SORCS2: variants seen among roughly 807,000 people sequenced by gnomAD.
The protein encoded by SORCS2 is sortilin related VPS10 domain containing receptor 2.
A neutral mutation model predicts 141.6 loss-of-function variants in SORCS2; 100 were observed. The ratio of observed to expected loss-of-function variants is 0.71; its 90% confidence interval spans 0.60 to 0.83. The LOEUF (loss-of-function observed/expected upper bound fraction) is 0.83, where lower values mean the gene tolerates loss of function less well. Ranked by LOEUF, SORCS2 falls within the 40% of genes least tolerant of loss-of-function variation. The probability of loss-of-function intolerance (pLI) is 0.00; values close to 1 mark genes in which losing one functional copy is unlikely to be tolerated. For synonymous variants in SORCS2, 789 were observed against 676.9 expected (o/e 1.17, Z -2.57); for missense variants, 1,646 against 1,560.2 (o/e 1.05, Z -0.93).
At chr4:7,539,845 CGCCCCATTCCTGCTGTGGAA>C (rs1267485794) in intron 3 of SORCS2, among the ~76,000 whole-genome samples, 62 of 151,222 alleles carry the variant, frequency 4.1e-4, no homozygotes, top group Non-Finnish European at 5.9e-5. Context: ...GTGGCTGCTC[CGCCCCATTCCTGCTGTGGAA>C]GCCCCATCCC....
At chr4:7,729,442 G>C in intron 22 of SORCS2, 145 bp from the exon 23 acceptor site, 1 of 1,116,220 alleles carries the variant, frequency 9.0e-7, no homozygotes, top group Non-Finnish European at 1.2e-6. Flanking sequence ...ACCCTGGAAG[G>C]ATCCCCACGC....
At chr4:7,344,012 A>G (rs1720515537) in intron 1 of SORCS2, among the ~76,000 whole-genome samples, 2 of 152,184 alleles carry the variant, frequency 1.3e-5, no homozygotes, top group South Asian at 4.1e-4. Context: ...AGGCCCTGGT[A>G]CAGATCCAAG....
intron 1 of SORCS2, among the ~76,000 whole-genome samples, chr4:7,208,993 A>T (rs1727904600): frequency 6.6e-6 from 1 of 151,894 alleles, no homozygotes; most frequent in Non-Finnish European, 1.5e-5. Flanking sequence ...TGCGTCCCTC[A>T]CCCCGGACCA....
At chr4:7,519,803 C>T (rs908843811) in intron 2 of SORCS2, among the ~76,000 whole-genome samples, 1 of 152,166 alleles carries the variant, frequency 6.6e-6, no homozygotes, top group Non-Finnish European at 1.5e-5. Flanking sequence ...GGCCCGGCCT[C>T]CCAGAGGGCG....
At chr4:7,264,827 C>T (rs575091735) in intron 1 of SORCS2, among the ~76,000 whole-genome samples, 1 of 152,342 alleles carries the variant, frequency 6.6e-6, no homozygotes, top group African/African-American at 2.4e-5. Context: ...CCTCTCCGTG[C>T]AGCCCTGCTG....
chr4:7,685,107 T>C (rs754098128), intron 10 of SORCS2, among the ~76,000 whole-genome samples: 1 of 152,248 alleles, frequency 6.6e-6, no homozygotes, highest in Non-Finnish European at 1.5e-5. Context: ...ACAGAATTGC[T>C]GTGAAAGGGC....
intron 1 of SORCS2, among the ~76,000 whole-genome samples, chr4:7,281,945 A>T (rs1436763741): frequency 1.3e-5 from 2 of 152,212 alleles, no homozygotes; most frequent in African/African-American, 4.8e-5. Context: ...CTGCCTGGGC[A>T]CACGCCAGTG....
Position 7,307,247 on chromosome 4 carries a change from C to G in SORCS2, c.481-89041C>G, listed in dbSNP as rs550128769. 7.2e-5 allele frequency among the ~76,000 whole-genome samples: 11 copies of G among 152,336 alleles called. No individual in the cohort carries two copies. The East Asian group carries it at 2.1e-3, about 29-fold the overall frequency. On this transcript the variant is annotated intron_variant, in intron 1 of 26. Coordinates refer to ENST00000507866, the MANE Select transcript of SORCS2 (RefSeq NM_020777.3). Reference sequence around the variant, plus strand: ...AGGCACTGCTGTGCCCGGGAGGGATCGTTCACGGGTCCTGGGAGGGGATTC... The same window carrying G: ...AGGCACTGCTGTGCCCGGGAGGGATGGTTCACGGGTCCTGGGAGGGGATTC...
At chr4:7,461,448 C>T (rs1009142263) in intron 2 of SORCS2, among the ~76,000 whole-genome samples, 5 of 152,226 alleles carry the variant, frequency 3.3e-5, no homozygotes, top group African/African-American at 9.6e-5. Flanking sequence ...CTGCACACTG[C>T]GTGTGATCAG....
intron 22 of SORCS2, among the ~76,000 whole-genome samples, chr4:7,729,134 C>T (rs1727427404): frequency 6.6e-6 from 1 of 152,174 alleles, no homozygotes; most frequent in Admixed American, 6.5e-5. Context: ...GGGCTGAGAG[C>T]ATATTCTCTG....
chr4:7,599,592 G>A (rs577164353), intron 3 of SORCS2, among the ~76,000 whole-genome samples: 13 of 152,268 alleles, frequency 8.5e-5, no homozygotes, highest in African/African-American at 2.9e-4. Flanking sequence ...CTGCTTCCCT[G>A]CAAACTGCAC....
In SORCS2 at chr4:7,201,596, G is replaced by A. The variant is rs536393330; in HGVS notation, c.480+8470G>A. On this transcript the variant is annotated intron_variant, in intron 1 of 26. Coordinates refer to ENST00000507866, the MANE Select transcript of SORCS2 (RefSeq NM_020777.3). This position sits in a 1 kb window ranked among gnomAD's most constrained non-coding sequence, Gnocchi z 4.4. Reference sequence around the variant, plus strand: ...ACTGGAGTGACGGGCGAATCAGCTGGGACGCTGCCGAGAACCCCTGTGCCT... The same window carrying A: ...ACTGGAGTGACGGGCGAATCAGCTGAGACGCTGCCGAGAACCCCTGTGCCT... 2.9e-4 allele frequency among the ~76,000 whole-genome samples: 44 copies of A among 152,312 alleles called. No individual in the cohort carries two copies. Among genetic ancestry groups the A allele is most frequent in the African/African-American group, 8.7e-4 (36 of 41,574 alleles).
chr4:7,276,362 C>A (rs138782572), intron 1 of SORCS2, among the ~76,000 whole-genome samples: 2 of 152,116 alleles, frequency 1.3e-5, no homozygotes, highest in Admixed American at 1.3e-4. Context: ...TCAAGCTGTT[C>A]CCTCCGGCAG....
At position 7,201,176 on chromosome 4, in the gene SORCS2, G is replaced by A. The variant is rs746210083; in HGVS notation, c.480+8050G>A. ...TGCTCTGCAGGATGAGTAGAGTCCC[G>A]GGCTGAGGAGGAGGTTGGAATGGTG... On this transcript the variant is annotated intron_variant, in intron 1 of 26. Transcript: ENST00000507866. This position sits in a 1 kb window ranked among gnomAD's most constrained non-coding sequence, Gnocchi z 4.4. Among the ~76,000 whole-genome samples, 3 of 152,306 alleles carry A rather than the reference G, an allele frequency of 2.0e-5. No homozygotes were observed. The East Asian group carries it at 5.8e-4, about 29-fold the overall frequency.
intron 17 of SORCS2, among the ~76,000 whole-genome samples, chr4:7,717,456 A>G (rs1157371366): frequency 2.6e-5 from 4 of 152,192 alleles, no homozygotes; most frequent in Non-Finnish European, 5.9e-5. Flanking sequence ...TACCTGGCCC[A>G]TAATAGATGC....
chr4:7,513,463 G>C (rs957749684), intron 2 of SORCS2, among the ~76,000 whole-genome samples: 2 of 152,208 alleles, frequency 1.3e-5, no homozygotes, highest in African/African-American at 4.8e-5. Flanking sequence ...GCCCAGCCAG[G>C]ACACTTGGCT....
intron 1 of SORCS2, among the ~76,000 whole-genome samples, chr4:7,232,828 A>G (rs1011376849): frequency 6.6e-6 from 1 of 152,160 alleles, no homozygotes; most frequent in Admixed American, 6.5e-5. Flanking sequence ...ATTCTGCCCA[A>G]CAGACTGTCA....
intron 2 of SORCS2, among the ~76,000 whole-genome samples, chr4:7,514,645 A>T (rs1385755961): frequency 1.3e-5 from 2 of 151,844 alleles, no homozygotes; most frequent in Non-Finnish European, 2.9e-5. Context: ...CCCTGTGTGG[A>T]GGTCACGTTT....
intron 3 of SORCS2, among the ~76,000 whole-genome samples, chr4:7,619,970 T>C (rs947821520): frequency 6.6e-6 from 1 of 152,070 alleles, no homozygotes; most frequent in African/African-American, 2.4e-5. Flanking sequence ...TCTCGCTCAC[T>C]CTAGAAACAG....
Sources: allele counts gnomAD v4.1 joint callset (sites outside exome capture counted in the v4.1 genomes callset), GRCh38; gene constraint gnomAD v4.1.1; non-coding constraint Gnocchi (gnomAD v3.1); transcripts MANE v1.5; gene names NCBI Gene and HGNC (gene_info 2026-07-23, HGNC 2026-07-21).